Variants in PREP observed in about 807,000 individuals in gnomAD.
The protein encoded by PREP is prolyl endopeptidase, also known as dJ355L5.1 (prolyl endopeptidase).
Under a neutral mutation model 87.6 loss-of-function variants are expected in PREP, and 29 were observed. The ratio of observed to expected loss-of-function variants is 0.33; its 90% CI spans 0.25 to 0.45. The LOEUF (loss-of-function observed/expected upper bound fraction) is 0.45. Ranked by LOEUF, PREP falls within the 20% of genes least tolerant of loss-of-function variation. The pLI is 1.00. For missense variants in PREP, 695 were observed against 886.5 expected (o/e 0.78, Z 2.74); for synonymous variants, 337 against 328.6 (o/e 1.03, Z -0.28).
chr6:105,292,506 A>C (rs1207654241), intron 10 of PREP, among the ~76,000 whole-genome samples: 1 of 152,184 alleles, frequency 6.6e-6, no homozygotes, highest in Non-Finnish European at 1.5e-5. Context: ...ACCTTGGTGT[A>C]AACAGATGTG....
chr6:105,344,453 C>T (rs1438387396), intron 7 of PREP, among the ~76,000 whole-genome samples: 1 of 149,284 alleles, frequency 6.7e-6, no homozygotes, highest in Non-Finnish European at 1.5e-5. Flanking sequence ...GATCGTGCCA[C>T]TGCACTCCAG....
intron 6 of PREP, among the ~76,000 whole-genome samples, chr6:105,363,413 A>T (rs1324858557): frequency 6.6e-6 from 1 of 152,080 alleles, no homozygotes; most frequent in Non-Finnish European, 1.5e-5. Context: ...TTTTTGGTCC[A>T]ATAGAACCTG....
chr6:105,273,924 T>A lies in PREP; in HGVS notation c.*4220A>T, dbSNP rs1474093043. Among the ~76,000 whole-genome samples, 1 of 152,136 alleles carries A rather than the reference T, an allele frequency of 6.6e-6. No individual in the cohort carries two copies. The highest frequency in any genetic ancestry group is 1.9e-4 in the East Asian group (1 of 5,178). On this transcript the variant is annotated 3_prime_UTR_variant, in exon 15 of 15. Transcript: ENST00000652536. ...TGTTTGTCCCCTCATTCCGTTCGGGTCTTTGTCCGAATGTTGCTTCCTGAA... is the reference window on the plus strand; with the variant it reads ...TGTTTGTCCCCTCATTCCGTTCGGGACTTTGTCCGAATGTTGCTTCCTGAA...
In PREP at chr6:105,276,124, C is replaced by T. The variant is rs1435538126; in HGVS notation, c.*2020G>A. 6.6e-6 allele frequency among the ~76,000 whole-genome samples: 1 copy of T among 152,228 alleles called. No homozygotes were observed. The highest frequency in any genetic ancestry group is 1.5e-5 in the Non-Finnish European group (1 of 68,036). On this transcript the variant is annotated 3_prime_UTR_variant, in exon 15 of 15. Transcript: ENST00000652536. ...AGGAGCCCAATCTCAAGTCTTATTTCTAATGTTTAAAGCTCCCCCTACTCC... is the reference window on the plus strand; with the variant it reads ...AGGAGCCCAATCTCAAGTCTTATTTTTAATGTTTAAAGCTCCCCCTACTCC...
intron 10 of PREP, among the ~76,000 whole-genome samples, chr6:105,291,500 C>G (rs1208372267): frequency 1.3e-5 from 2 of 152,122 alleles, no homozygotes; most frequent in African/African-American, 4.8e-5. Flanking sequence ...ACAATCTAAT[C>G]AGCTTCTAGT....
In PREP at chr6:105,302,309, T is replaced by C. The variant is rs563975063; in HGVS notation, c.1318-13415A>G. 1.8e-5 allele frequency: 3 copies of C among 168,926 alleles called. No individual in the cohort carries two copies. The South Asian group carries it at 4.6e-4, about 26-fold the overall frequency. 10.5% of individuals were successfully genotyped at this position (168,926 alleles called of 1,614,324 possible). Reference sequence around the variant, plus strand: ...GTTTTGCTCCTGCATGAGAACCACATGATGAGTCCATCATCAGAGGGTTAT... The same window carrying C: ...GTTTTGCTCCTGCATGAGAACCACACGATGAGTCCATCATCAGAGGGTTAT... On this transcript the variant is annotated intron_variant, in intron 10 of 14. Transcript: ENST00000652536.
chr6:105,339,566 T>C (rs904019232), intron 7 of PREP, among the ~76,000 whole-genome samples: 1 of 152,164 alleles, frequency 6.6e-6, no homozygotes, highest in African/African-American at 2.4e-5. Flanking sequence ...AGACTTCAGA[T>C]GATCGGTAAT....
At chr6:105,313,279 G>T (rs1190085758) in intron 10 of PREP, among the ~76,000 whole-genome samples, 1 of 152,056 alleles carries the variant, frequency 6.6e-6, no homozygotes, top group Non-Finnish European at 1.5e-5. Flanking sequence ...CCCATCACCC[G>T]TCGACCATCA....
chr6:105,321,864 T>A (rs1464458559), intron 10 of PREP, among the ~76,000 whole-genome samples: 6 of 152,102 alleles, frequency 3.9e-5, no homozygotes, highest in African/African-American at 1.4e-4. Flanking sequence ...GATTAGGATC[T>A]CTCTCGTGCA....
chr6:105,289,034 G>C, intron 10 of PREP, 140 bp from the exon 11 acceptor site: 1 of 812,162 alleles, frequency 1.2e-6, no homozygotes, highest in South Asian at 1.9e-5. Flanking sequence ...AGGGCTATTT[G>C]GTGAAGCACC....
Position 105,373,579 on chromosome 6 carries a change from C to A in PREP, c.386-1G>T. The A allele has an allele frequency of 6.2e-7, 1 of 1,613,412 alleles. No homozygotes were observed. Among genetic ancestry groups the A allele is most frequent in the South Asian group, 1.1e-5 (1 of 91,026 alleles). On this transcript the variant is annotated splice_acceptor_variant, in intron 4 of 14. Transcript: ENST00000652536. LOFTEE classifies it high-confidence loss of function. ...TCACCATCTTCGCTGAACGCATAAC[C>A]TATGGGACACAGGAGAAATCATCCA...
intron 7 of PREP, among the ~76,000 whole-genome samples, chr6:105,348,991 T>C (rs762934926): frequency 3.9e-5 from 6 of 151,994 alleles, no homozygotes; most frequent in Non-Finnish European, 2.9e-5. Context: ...CAGTGGAGAA[T>C]AGGACATGAC....
intron 10 of PREP, chr6:105,322,846 G>A: frequency 1.7e-6 from 2 of 1,155,250 alleles, no homozygotes; most frequent in East Asian, 1.2e-4. Flanking sequence ...ACAATTGAAG[G>A]GTAATTCACC....
chr6:105,392,559 C>A, intron 2 of PREP, among the ~76,000 whole-genome samples: 1 of 152,086 alleles, frequency 6.6e-6, no homozygotes, highest in African/African-American at 2.4e-5. Context: ...GTCTCCCAGA[C>A]CAGTTTTTAC....
chr6:105,360,978 C>T (rs1187228309), intron 6 of PREP, among the ~76,000 whole-genome samples: 1 of 152,070 alleles, frequency 6.6e-6, no homozygotes, highest in Non-Finnish European at 1.5e-5. Flanking sequence ...CATATACATA[C>T]CATACATGTA....
intron 4 of PREP, among the ~76,000 whole-genome samples, chr6:105,375,622 A>T (rs1023547045): frequency 2.6e-5 from 4 of 152,222 alleles, no homozygotes; most frequent in African/African-American, 9.6e-5. Context: ...AATTTCTACA[A>T]GATTTGTGTG....
Position 105,274,028 on chromosome 6 carries a change from C to CT in PREP, c.*4115dup, listed in dbSNP as rs1188084613. Among the ~76,000 whole-genome samples the CT allele has an allele frequency of 6.6e-6, 1 of 152,206 alleles. No individual in the cohort carries two copies. Among genetic ancestry groups the CT allele is most frequent in the Non-Finnish European group, 1.5e-5 (1 of 68,042 alleles). On this transcript the variant is annotated 3_prime_UTR_variant, in exon 15 of 15. Transcript: ENST00000652536. Reference sequence around the variant, plus strand: ...TGCCCCACTTTGTTTCTTCACAGCTCTTTTTATTCCTGTTTCTTGTTAATT... The same window carrying CT: ...TGCCCCACTTTGTTTCTTCACAGCTCTTTTTTATTCCTGTTTCTTGTTAATT...
At position 105,276,860 on chromosome 6, in the gene PREP, A is replaced by G. The variant is rs1203699064; in HGVS notation, c.*1284T>C. Among the ~76,000 whole-genome samples the G allele has an allele frequency of 6.6e-6, 1 of 152,238 alleles. No individual in the cohort carries two copies. Among genetic ancestry groups the G allele is most frequent in the Non-Finnish European group, 1.5e-5 (1 of 68,038 alleles). ...AGAGTGCTCTTAAAAGCACATACAT[A>G]TACAACTTGGAAGATGGGACTTACT... On this transcript the variant is annotated 3_prime_UTR_variant, in exon 15 of 15. Coordinates refer to ENST00000652536, the MANE Select transcript of PREP (RefSeq NM_002726.5).
intron 2 of PREP, among the ~76,000 whole-genome samples, chr6:105,377,748 C>T (rs1772724898): frequency 6.6e-6 from 1 of 152,150 alleles, no homozygotes; most frequent in African/African-American, 2.4e-5. Context: ...ACTAACTCAG[C>T]TAATGCTTAC....
Sources: gnomAD v4.1 joint callset for allele counts (sites outside exome capture counted in the v4.1 genomes callset) on GRCh38, gnomAD v4.1.1 for gene constraint, MANE v1.5 for transcripts, NCBI Gene and HGNC (gene_info 2026-07-23, HGNC 2026-07-21) for gene names.